MC2R: variants seen among roughly 807,000 people sequenced by gnomAD.
MC2R encodes melanocortin 2 receptor, also known as adrenocorticotropic hormone receptor.
MC2R carries 9 observed loss-of-function variants against 9.8 expected under a neutral mutation model. The observed-to-expected ratio is 0.92, with a 90% CI of 0.55 to 1.60. The LOEUF (loss-of-function observed/expected upper bound fraction) is 1.60. MC2R is among the 40% of genes most tolerant of loss of function. The probability of loss-of-function intolerance (pLI) is 0.00; values close to 1 mark genes in which losing one functional copy is unlikely to be tolerated. For synonymous variants in MC2R, 185 were observed against 154.7 expected, an observed-to-expected ratio of 1.20 and a Z score of -1.45; for missense variants, 370 against 389.0, an observed-to-expected ratio of 0.95 and a Z score of 0.41.
chr18:13,891,588 G>A (rs1401859877), intron 1 of MC2R, among the ~76,000 whole-genome samples: 1 of 152,188 alleles, frequency 6.6e-6, no homozygotes, highest in Non-Finnish European at 1.5e-5. Context: ...AGTGCAAAGT[G>A]CTGTCAGGCT....
At chr18:13,894,179 A>T (rs549014507) in intron 1 of MC2R, among the ~76,000 whole-genome samples, 12 of 152,058 alleles carry the variant, frequency 7.9e-5, no homozygotes, top group Middle Eastern at 6.8e-3. Context: ...TGTGTGTGAG[A>T]GAGAGAGAGG....
intron 1 of MC2R, among the ~76,000 whole-genome samples, chr18:13,904,149 C>T (rs1187562580): frequency 4.0e-5 from 6 of 150,540 alleles, no homozygotes; most frequent in African/African-American, 1.5e-4. Flanking sequence ...AAGAGATGGG[C>T]AGATCACAAG....
rs562634809 is a variant in MC2R at position 13,897,882 on chromosome 18, C to G, written c.-128-12236G>C. ...AGCAACAACCAGCAATACCCAGGTACTACGCTGAAGGCCTTGGGTGAGCCT... is the reference window on the plus strand; with the variant it reads ...AGCAACAACCAGCAATACCCAGGTAGTACGCTGAAGGCCTTGGGTGAGCCT... On this transcript the variant is annotated intron_variant, in intron 1 of 1. Transcript: ENST00000327606. 1.0e-3 allele frequency among the ~76,000 whole-genome samples: 159 copies of G among 152,124 alleles called. 1 individual carries two copies. Among genetic ancestry groups the G allele is most frequent in the African/African-American group, 3.7e-3 (155 of 41,496 alleles).
chr18:13,906,593 T>G (rs79033316), intron 1 of MC2R, among the ~76,000 whole-genome samples: 1 of 152,098 alleles, frequency 6.6e-6, no homozygotes, highest in Non-Finnish European at 1.5e-5. Context: ...AGAAGTCAAA[T>G]TAGCCTTGTT....
intron 1 of MC2R, among the ~76,000 whole-genome samples, chr18:13,909,935 T>C (rs1056807973): frequency 1.3e-5 from 2 of 152,160 alleles, no homozygotes; most frequent in African/African-American, 2.4e-5. Context: ...TTTAATAAAG[T>C]CTATTATTTA....
intron 1 of MC2R, among the ~76,000 whole-genome samples, chr18:13,896,473 T>C (rs1251301608): frequency 6.6e-6 from 1 of 152,108 alleles, no homozygotes; most frequent in Non-Finnish European, 1.5e-5. Flanking sequence ...TCTTTTAAGA[T>C]TGGAACCTAA....
At chr18:13,886,041 T>C (rs2045274174) in intron 1 of MC2R, among the ~76,000 whole-genome samples, 1 of 148,588 alleles carries the variant, frequency 6.7e-6, no homozygotes, top group Non-Finnish European at 1.5e-5. Flanking sequence ...TACACGTGGA[T>C]ATAGAGTGTG....
chr18:13,906,464 G>A lies in MC2R; in HGVS notation c.-129+9024C>T, dbSNP rs563299752. 3.9e-5 allele frequency among the ~76,000 whole-genome samples: 6 copies of A among 152,206 alleles called. No homozygotes were observed. The East Asian group carries it at 1.2e-3, about 29-fold the overall frequency. Reference sequence around the variant, plus strand: ...GGTGAGGGGAGGGAACTTAGAGGACGGGTCAATAGGTGCAGCAAGCCACCA... The same window carrying A: ...GGTGAGGGGAGGGAACTTAGAGGACAGGTCAATAGGTGCAGCAAGCCACCA... On this transcript the variant is annotated intron_variant, in intron 1 of 1. Coordinates refer to ENST00000327606, the MANE Select transcript of MC2R (RefSeq NM_000529.2).
intron 1 of MC2R, among the ~76,000 whole-genome samples, chr18:13,887,074 C>G (rs1381632231): frequency 6.6e-6 from 1 of 152,278 alleles, no homozygotes; most frequent in African/African-American, 2.4e-5. Flanking sequence ...GGAACCACCT[C>G]AGTCCTGGGC....
chr18:13,884,982 C>T lies in MC2R; in HGVS notation c.537G>A (p.Thr179=), dbSNP rs137893541. The T allele has an allele frequency of 3.8e-4, 607 of 1,613,952 alleles. 1 individual carries two copies. The highest frequency in any genetic ancestry group is 7.0e-4 in the Admixed American group (42 of 60,000). Residue 179 remains threonine, a synonymous_variant, in exon 2 of 2, where the codon ACG becomes ACA. Transcript: ENST00000327606. ...AGACCAGCATCAGCGGGAACAGCGA[C>T]GTGAAGGTGATCACTGTGGGCACAT... The part of the protein sequence containing the change: ...SHHVPTVITF[T]SLFPLMLVFI...
intron 1 of MC2R, among the ~76,000 whole-genome samples, chr18:13,910,403 T>A (rs1226176205): frequency 6.6e-6 from 1 of 152,192 alleles, no homozygotes; most frequent in Non-Finnish European, 1.5e-5. Flanking sequence ...TTTTTCACTG[T>A]TTTGTTGGCT....
chr18:13,900,520 A>G (rs1373236292), intron 1 of MC2R, among the ~76,000 whole-genome samples: 1 of 152,118 alleles, frequency 6.6e-6, no homozygotes, highest in East Asian at 1.9e-4. Context: ...CACTTCACCT[A>G]TAAAGACACA....
chr18:13,897,119 G>A (rs2045350039), intron 1 of MC2R, among the ~76,000 whole-genome samples: 1 of 152,302 alleles, frequency 6.6e-6, no homozygotes, highest in African/African-American at 2.4e-5. Context: ...GCACTGAAGT[G>A]GTAGAGAAAA....
chr18:13,900,159 G>A (rs2045370400), intron 1 of MC2R, among the ~76,000 whole-genome samples: 1 of 152,082 alleles, frequency 6.6e-6, no homozygotes. Flanking sequence ...TTGCTTGTTT[G>A]TTTATGCAAA....
chr18:13,908,465 G>A (rs2045426314), intron 1 of MC2R, among the ~76,000 whole-genome samples: 1 of 152,002 alleles, frequency 6.6e-6, no homozygotes, highest in East Asian at 1.9e-4. Context: ...AAATCAGTAG[G>A]GTGACTATAG....
rs369872255 is a variant in MC2R, at chr18:13,905,663, T to C, written c.-129+9825A>G. ...ACTGTTGGTGGGAGTGTAAATTAGT[T>C]CAACCATTGTGAAAGACAGTATGGT... On this transcript the variant is annotated intron_variant, in intron 1 of 1. Coordinates refer to ENST00000327606, the MANE Select transcript of MC2R (RefSeq NM_000529.2). Among the ~76,000 whole-genome samples, 35 of 152,298 alleles carry C rather than the reference T, an allele frequency of 2.3e-4. No homozygotes were observed. In the East Asian group the frequency reaches 5.2e-3, roughly 23 times the overall value.
Position 13,885,441 on chromosome 18 carries a change from C to A in MC2R, c.78G>T (p.Leu26Phe). 1 of 1,614,076 alleles carries A rather than the reference C, an allele frequency of 6.2e-7. No individual in the cohort carries two copies. The highest frequency in any genetic ancestry group is 8.5e-7 in the Non-Finnish European group (1 of 1,179,966). ...RNNSDCPRVV[L>F]PEEIFFTISI... ...AAATTGTGAAAAATATCTCCTCCGG[C>A]AAAACCACACGAGGACAGTCGGAAT... is the stretch of plus-strand genomic sequence containing the variant. Residue 26 changes from leucine to phenylalanine, a missense_variant, in exon 2 of 2, where the codon TTG becomes TTT. Physicochemically the swap from Leu to Phe is conservative, Grantham distance 22. Transcript: ENST00000327606.
At chr18:13,887,594 T>C (rs971205315) in intron 1 of MC2R, among the ~76,000 whole-genome samples, 2 of 152,172 alleles carry the variant, frequency 1.3e-5, no homozygotes, top group Admixed American at 6.5e-5. Context: ...CTGGGTGAGA[T>C]GCACATTTGA....
rs571880136 is a variant in MC2R, at chr18:13,884,707, A to G, written c.812T>C (p.Ile271Thr). Reference protein sequence around the residue: ...NGMLIMCNAVIDPFIYAFRSP... With the variant: ...NGMLIMCNAVTDPFIYAFRSP... ...CCGGAAGGCATATATGAAGGGGTCA[A>G]TGACGGCATTGCACATGATCAACAT... Residue 271 changes from isoleucine to threonine, a missense_variant, in exon 2 of 2, where the codon ATT (isoleucine) becomes ACT (threonine). Physicochemically the swap from Ile to Thr is moderately conservative, Grantham distance 89 (BLOSUM62 -1). Coordinates refer to ENST00000327606, the MANE Select transcript of MC2R (RefSeq NM_000529.2). The G allele has an allele frequency of 1.2e-6, 2 of 1,614,156 alleles. No homozygotes were observed. The highest frequency in any genetic ancestry group is 1.3e-5 in the African/African-American group (1 of 75,050).
Sources: gnomAD v4.1 joint callset for allele counts (sites outside exome capture counted in the v4.1 genomes callset) on GRCh38, gnomAD v4.1.1 for gene constraint, MANE v1.5 for transcripts, NCBI Gene and HGNC (gene_info 2026-07-23, HGNC 2026-07-21) for gene names.